The following TXNRD2 variants were observed in gnomAD, a reference collection of about 807,000 sequenced individuals.
The protein encoded by TXNRD2 is thioredoxin reductase 2.
A neutral mutation model predicts 70.8 loss-of-function variants in TXNRD2; 67 were observed. The ratio of observed to expected loss-of-function variants is 0.95; its 90% CI spans 0.78 to 1.16. TXNRD2 has a LOEUF of 1.16. Among genes scored for constraint, TXNRD2 ranks in the 50% most tolerant of loss-of-function variants. TXNRD2 has a pLI of 0.00. For synonymous variants in TXNRD2, 301 were observed against 295.8 expected (o/e 1.02, Z -0.18); for missense variants, 644 against 719.9 (o/e 0.89, Z 1.21).
chr22:19,916,334 T>C (rs1321536200), intron 5 of TXNRD2: 1 of 137,756 alleles, frequency 7.3e-6, no homozygotes, highest in Non-Finnish European at 1.6e-5. Flanking sequence ...CTTTCTTTTC[T>C]TTTTTTTTTT....
intron 12 of TXNRD2, among the ~76,000 whole-genome samples, chr22:19,882,724 A>T (rs1215508566): frequency 6.6e-6 from 1 of 152,202 alleles, no homozygotes; most frequent in African/African-American, 2.4e-5. Context: ...GCCAGGGTGC[A>T]GTATCCCAAG....
intron 7 of TXNRD2, 72 bp from the exon 8 acceptor site, chr22:19,911,519 GC>G: frequency 4.2e-6 from 5 of 1,180,264 alleles, no homozygotes; most frequent in Non-Finnish European, 6.3e-6. Flanking sequence ...TAAAGAGGAT[GC>G]CAGCTTTGCA....
chr22:19,900,221 C>T (rs1053727910), intron 8 of TXNRD2, among the ~76,000 whole-genome samples: 2 of 152,070 alleles, frequency 1.3e-5, no homozygotes, highest in South Asian at 2.1e-4. Flanking sequence ...GTGAGGACAG[C>T]GAAGGGGGAC....
chr22:19,883,574 C>G lies in TXNRD2; in HGVS notation c.950-113G>C, dbSNP rs13057374. The G allele has an allele frequency of 0.18, 260,878 of 1,483,462 alleles. 29,739 individuals are homozygous for G. Among genetic ancestry groups the G allele is most frequent in the African/African-American group, 0.56 (40,712 of 72,574 alleles). The allele number at this position is 1,483,462 out of a possible 1,614,324, so 91.9% of individuals were successfully genotyped here. On this transcript the variant is annotated intron_variant, in intron 11 of 17. Transcript: ENST00000400521. ...ACTTAGAGACCGGGTGCAGTGGCTC[C>G]TGCCTGTAATCCCAGCACTGTAGGA...
intron 2 of TXNRD2, among the ~76,000 whole-genome samples, chr22:19,926,281 A>C (rs964038870): frequency 1.3e-5 from 2 of 151,916 alleles, no homozygotes; most frequent in East Asian, 3.9e-4. Flanking sequence ...CCTGAGGTCA[A>C]GAGTTCAAGA....
At chr22:19,923,612 A>G (rs1231351164) in intron 2 of TXNRD2, among the ~76,000 whole-genome samples, 1 of 152,122 alleles carries the variant, frequency 6.6e-6, no homozygotes, top group Non-Finnish European at 1.5e-5. Flanking sequence ...CTGTAGTTTC[A>G]CGACCAGTAG....
At position 19,933,518 on chromosome 22, in the gene TXNRD2, CCT is replaced by C. The variant is rs1401083807; in HGVS notation, c.104-2422_104-2421del. On this transcript the variant is annotated intron_variant, in intron 1 of 17. Transcript: ENST00000400521. ...TGCCCTGCAGCCTCGCACTGTGCCCCCTCTGTCTGCTATCAGGCAGGGTGAGC... is the reference window on the plus strand; with the variant it reads ...TGCCCTGCAGCCTCGCACTGTGCCCCCTGTCTGCTATCAGGCAGGGTGAGC... 27 of 1,288,802 alleles carry C rather than the reference CCT, an allele frequency of 2.1e-5. No homozygotes were observed. In the Admixed American group the frequency reaches 2.8e-4, roughly 13 times the overall value. 79.8% of individuals were successfully genotyped at this position (1,288,802 alleles called of 1,614,324 possible). A position where few individuals can be genotyped will look rare whatever the true frequency, so the allele number is the denominator to read the frequency against.
intron 2 of TXNRD2, among the ~76,000 whole-genome samples, chr22:19,930,759 T>A (rs1259698547): frequency 6.6e-6 from 1 of 152,074 alleles, no homozygotes; most frequent in Non-Finnish European, 1.5e-5. Context: ...GAGCTGAGAC[T>A]AGTCGGATTG....
chr22:19,912,373 A>G (rs115340055), intron 7 of TXNRD2, among the ~76,000 whole-genome samples: 5,223 of 152,320 alleles, frequency 0.034, 127 homozygotes, highest in South Asian at 0.087. Flanking sequence ...AGGGAGAGCG[A>G]AGCAGCCCTG....
chr22:19,925,022 C>T (rs377444062), intron 2 of TXNRD2, among the ~76,000 whole-genome samples: 166 of 150,986 alleles, frequency 1.1e-3, no homozygotes, highest in African/African-American at 2.8e-3. Context: ...TGGTGGCTCA[C>T]GCCTGTAATC....
intron 5 of TXNRD2, chr22:19,916,108 A>T (rs762593974): frequency 2.7e-5 from 12 of 449,106 alleles, no homozygotes; most frequent in Non-Finnish European, 4.5e-5. Context: ...CACGGTCCTA[A>T]GAGGCCACGT....
At chr22:19,921,997 A>T (rs1372560882) in intron 2 of TXNRD2, among the ~76,000 whole-genome samples, 2 of 152,212 alleles carry the variant, frequency 1.3e-5, no homozygotes, top group African/African-American at 2.4e-5. Flanking sequence ...ACCCAAAAGG[A>T]TCAAACTGAC....
At chr22:19,902,827 G>A (rs978811906) in intron 8 of TXNRD2, among the ~76,000 whole-genome samples, 7 of 152,200 alleles carry the variant, frequency 4.6e-5, no homozygotes, top group Non-Finnish European at 8.8e-5. Context: ...CCAGCGGAAT[G>A]TGCCACTTAA....
chr22:19,903,739 C>T (rs1487354973), intron 8 of TXNRD2, among the ~76,000 whole-genome samples: 6 of 152,338 alleles, frequency 3.9e-5, no homozygotes, highest in Admixed American at 6.5e-5. Context: ...AAAGGAGCTC[C>T]CCGGTGTGGG....
At chr22:19,916,182 C>T in intron 5 of TXNRD2, 1 of 355,108 alleles carries the variant, frequency 2.8e-6, no homozygotes, top group East Asian at 7.1e-5. Context: ...ATCACCCGGA[C>T]ATGTTCCAGC....
Position 19,926,298 on chromosome 22 carries a change from T to C in TXNRD2, c.172+4732A>G, listed in dbSNP as rs532941945. Among the ~76,000 whole-genome samples the C allele has an allele frequency of 6.6e-5, 10 of 152,130 alleles. No homozygotes were observed. The East Asian group carries it at 1.9e-3, about 29-fold the overall frequency. ...TGAGGTCAAGAGTTCAAGACCAGCC[T>C]GGCCAACATGGTGAAACCCCATCTC... On this transcript the variant is annotated intron_variant, in intron 2 of 17. Coordinates refer to ENST00000400521, the MANE Select transcript of TXNRD2 (RefSeq NM_006440.5).
intron 2 of TXNRD2, among the ~76,000 whole-genome samples, chr22:19,925,288 A>G (rs1265150369): frequency 6.6e-6 from 1 of 151,844 alleles, no homozygotes; most frequent in Non-Finnish European, 1.5e-5. Flanking sequence ...CATCTCAAAA[A>G]ACAAAACAAA....
chr22:19,889,947 T>C (rs1455040811), intron 11 of TXNRD2, among the ~76,000 whole-genome samples: 3 of 152,144 alleles, frequency 2.0e-5, no homozygotes, highest in Non-Finnish European at 4.4e-5. Flanking sequence ...TTCTAATCAT[T>C]AAGTACTGAA....
chr22:19,889,488 G>A (rs558457323), intron 11 of TXNRD2, among the ~76,000 whole-genome samples: 1 of 152,254 alleles, frequency 6.6e-6, no homozygotes, highest in South Asian at 2.1e-4. Context: ...GCGGGTGCCT[G>A]TAATCCCAGC....
Sources: gnomAD v4.1 joint callset for allele counts (sites outside exome capture counted in the v4.1 genomes callset) on GRCh38, gnomAD v4.1.1 for gene constraint, MANE v1.5 for transcripts, NCBI Gene and HGNC (gene_info 2026-07-23, HGNC 2026-07-21) for gene names.